Variants in WDR20 observed in about 807,000 individuals in gnomAD.
WDR20 encodes WD repeat domain 20, also known as WD repeat-containing protein 20.
Under a neutral mutation model 38.7 loss-of-function variants are expected in WDR20, and 3 were observed. That is an observed-to-expected ratio of 0.08 (90% confidence interval 0.04 to 0.20). The LOEUF (loss-of-function observed/expected upper bound fraction) is 0.20, where lower values mean the gene tolerates loss of function less well. Among genes scored for constraint, WDR20 ranks in the 10% least tolerant of loss-of-function variants. The pLI, the probability that WDR20 is intolerant of heterozygous loss-of-function variation, is 1.00. For missense variants in WDR20, 559 were observed against 727.7 expected, an observed-to-expected ratio of 0.77 and a Z score of 2.67; for synonymous variants, 298 against 285.6, an observed-to-expected ratio of 1.04 and a Z score of -0.44.
At chr14:102,194,899 G>A (rs1486765487) in intron 1 of WDR20, 39 bp from the exon 2 acceptor site, 3 of 1,583,868 alleles carry the variant, frequency 1.9e-6, no homozygotes, top group South Asian at 1.1e-5. Context: ...TCATCTCAAT[G>A]TGCTGTTTAC....
At chr14:102,176,621 T>A (rs1192903064) in intron 1 of WDR20, among the ~76,000 whole-genome samples, 2 of 152,168 alleles carry the variant, frequency 1.3e-5, no homozygotes, top group East Asian at 3.8e-4. Flanking sequence ...TCCCTTTTTT[T>A]TTTTGGTTAT....
At chr14:102,153,992 G>A (rs758805482) in intron 1 of WDR20, among the ~76,000 whole-genome samples, 11 of 152,154 alleles carry the variant, frequency 7.2e-5, no homozygotes, top group Non-Finnish European at 1.6e-4. Context: ...TTGAGACCTT[G>A]TCTCACTATG....
At chr14:102,139,504 C>A, upstream of WDR20, 1 of 1,308,226 alleles carries the variant, frequency 7.6e-7, no homozygotes, top group Non-Finnish European at 1.0e-6. Flanking sequence ...CCCCTCAGGG[C>A]AGGGCGGGAG....
chr14:102,191,951 A>G (rs2066560257), intron 1 of WDR20, among the ~76,000 whole-genome samples: 2 of 152,244 alleles, frequency 1.3e-5, no homozygotes, highest in Non-Finnish European at 2.9e-5. Context: ...AAAGACATAC[A>G]GAATATAAAC....
chr14:102,213,893 C>G (rs914113380), downstream of WDR20: 2 of 985,300 alleles, frequency 2.0e-6, no homozygotes, highest in Admixed American at 6.1e-5. Flanking sequence ...CCACATCATG[C>G]GTGTCTGACT....
intron 1 of WDR20, among the ~76,000 whole-genome samples, chr14:102,142,351 A>C (rs1458926069): frequency 6.6e-6 from 1 of 152,058 alleles, no homozygotes; most frequent in Non-Finnish European, 1.5e-5. Flanking sequence ...CTATTTTCTG[A>C]TTTAAAATAT....
intron 1 of WDR20, among the ~76,000 whole-genome samples, chr14:102,154,944 TTAA>T (rs2057012783): frequency 6.6e-6 from 1 of 152,216 alleles, no homozygotes; most frequent in African/African-American, 2.4e-5. Context: ...GATAGGATTA[TTAA>T]TAATTGATAG....
At chr14:102,157,800 G>A (rs1229298702) in intron 1 of WDR20, among the ~76,000 whole-genome samples, 2 of 152,092 alleles carry the variant, frequency 1.3e-5, no homozygotes, top group Admixed American at 6.5e-5. Flanking sequence ...GCTTGTGCAA[G>A]GCTTGGGGAG....
chr14:102,140,158 A>G lies in WDR20; in HGVS notation c.235A>G (p.Lys79Glu). 4 of 1,612,648 alleles carry G rather than the reference A, an allele frequency of 2.5e-6. No homozygotes were observed. Among genetic ancestry groups the G allele is most frequent in the Non-Finnish European group, 3.4e-6 (4 of 1,179,828 alleles). ...CCGGGAGCTGTACTTCTATATCTAC[A>G]AGGGGGTCCGCAAGGTACCGACCCG... The part of the protein sequence containing the change: ...VGRELYFYIY[K>E]GVRKAADLSK... Residue 79 changes from lysine to glutamate, a missense_variant, in exon 1 of 3, where the codon AAG becomes GAG. Physicochemically the swap from Lys to Glu is moderately conservative, Grantham distance 56. Coordinates refer to ENST00000342702, the MANE Select transcript of WDR20 (RefSeq NM_144574.4).
In WDR20 at chr14:102,207,158, G is replaced by C. The variant is rs1567055614; in HGVS notation, c.433-1445G>C. On this transcript the variant is annotated intron_variant, in intron 2 of 2. Transcript: ENST00000342702. The surrounding 1 kb of genome is among the most constrained non-coding windows in gnomAD (Gnocchi z 5.0). Reference sequence around the variant, plus strand: ...ATGCCGTTTTACGGCAGTAAGCAGTGACACCTGCTGCTGAGTAACTGCCCA... The same window carrying C: ...ATGCCGTTTTACGGCAGTAAGCAGTCACACCTGCTGCTGAGTAACTGCCCA... 4.6e-5 allele frequency among the ~76,000 whole-genome samples: 7 copies of C among 152,220 alleles called. No homozygotes were observed. The highest frequency in any genetic ancestry group is 4.6e-4 in the Admixed American group (7 of 15,282).
At chr14:102,173,430 T>A (rs1008598635) in intron 1 of WDR20, among the ~76,000 whole-genome samples, 1 of 135,204 alleles carries the variant, frequency 7.4e-6, no homozygotes, top group African/African-American at 2.9e-5. Context: ...TTTCTTTTTT[T>A]AAAATTATTA....
At chr14:102,179,797 GCTAA>G (rs1184646083) in intron 1 of WDR20, among the ~76,000 whole-genome samples, 1 of 151,868 alleles carries the variant, frequency 6.6e-6, no homozygotes, top group Non-Finnish European at 1.5e-5. Context: ...TTATTTCCAC[GCTAA>G]CTCACTGTAG....
chr14:102,203,528 C>G (rs946999467), intron 2 of WDR20, among the ~76,000 whole-genome samples: 2 of 152,134 alleles, frequency 1.3e-5, no homozygotes, highest in African/African-American at 4.8e-5. Flanking sequence ...TGAGTCCCAG[C>G]TCACAACTCC....
At chr14:102,168,206 G>T (rs192691044) in intron 1 of WDR20, among the ~76,000 whole-genome samples, 1 of 152,258 alleles carries the variant, frequency 6.6e-6, no homozygotes, top group Non-Finnish European at 1.5e-5. Flanking sequence ...TAGTTTAGGA[G>T]CTTTTTTAGA....
intron 1 of WDR20, among the ~76,000 whole-genome samples, chr14:102,172,239 A>G (rs1334098943): frequency 2.0e-5 from 3 of 147,026 alleles, no homozygotes; most frequent in Non-Finnish European, 3.1e-5. Context: ...GTCACAGATC[A>G]ACAGGATCCC....
intron 1 of WDR20, among the ~76,000 whole-genome samples, chr14:102,185,708 G>A (rs2064500108): frequency 1.3e-5 from 2 of 151,936 alleles, no homozygotes; most frequent in African/African-American, 4.8e-5. Flanking sequence ...TTGCTTTCAT[G>A]GATGGACACC....
At chr14:102,175,349 C>A (rs2061825769) in intron 1 of WDR20, among the ~76,000 whole-genome samples, 1 of 152,150 alleles carries the variant, frequency 6.6e-6, no homozygotes, top group Non-Finnish European at 1.5e-5. Context: ...TGTTGAAGAT[C>A]AGTTGGCTGT....
At chr14:102,186,853 G>A (rs1247085891) in intron 1 of WDR20, among the ~76,000 whole-genome samples, 1 of 152,088 alleles carries the variant, frequency 6.6e-6, no homozygotes, top group African/African-American at 2.4e-5. Flanking sequence ...GGGAGGCTGA[G>A]GCAGGAGAAT....
intron 1 of WDR20, among the ~76,000 whole-genome samples, chr14:102,165,998 T>C (rs955778702): frequency 6.6e-6 from 1 of 152,042 alleles, no homozygotes; most frequent in Non-Finnish European, 1.5e-5. Flanking sequence ...GCAAGTGATT[T>C]TCTTTTTTTT....
Sources: allele counts gnomAD v4.1 joint callset (sites outside exome capture counted in the v4.1 genomes callset), GRCh38; gene constraint gnomAD v4.1.1; non-coding constraint Gnocchi (gnomAD v3.1); transcripts MANE v1.5; gene names NCBI Gene and HGNC (gene_info 2026-07-23, HGNC 2026-07-21).